Variants in LRP12 observed in about 807,000 individuals in gnomAD.
LRP12 encodes LDL receptor related protein 12, also known as low-density lipoprotein receptor-related protein 12.
Under a neutral mutation model 66.0 loss-of-function variants are expected in LRP12, and 14 were observed. The observed-to-expected ratio is 0.21, with a 90% confidence interval of 0.14 to 0.33. LRP12 has a LOEUF of 0.33. LRP12 is among the 10% of genes least tolerant of loss of function. The probability of loss-of-function intolerance (pLI) is 1.00; values close to 1 mark genes in which losing one functional copy is unlikely to be tolerated. For missense variants in LRP12, 889 were observed against 1,053.4 expected, an observed-to-expected ratio of 0.84 and a Z score of 2.16; for synonymous variants, 357 against 359.1, an observed-to-expected ratio of 0.99 and a Z score of 0.07.
At chr8:104,566,223 T>C (rs1371775253) in intron 1 of LRP12, 1 of 651,430 alleles carries the variant, frequency 1.5e-6, no homozygotes, top group Non-Finnish European at 2.4e-6. Context: ...ATAGAAAGTA[T>C]ACAGAACAGA....
In LRP12 at chr8:104,490,173, T is replaced by C. The variant is rs1227561447; in HGVS notation, c.*500A>G. ...CTGACAAGTTCATATGATAATGAAATCCAATAATAGACAAATGTCAAACAA... is the reference window on the plus strand; with the variant it reads ...CTGACAAGTTCATATGATAATGAAACCCAATAATAGACAAATGTCAAACAA... On this transcript the variant is annotated 3_prime_UTR_variant, in exon 7 of 7. Transcript: ENST00000276654. 1.3e-5 allele frequency: 2 copies of C among 152,400 alleles called. No individual in the cohort carries two copies. Among genetic ancestry groups the C allele is most frequent in the African/African-American group, 2.4e-5 (1 of 41,340 alleles). The allele number at this position is 152,400 out of a possible 1,614,324, so 9.4% of individuals were successfully genotyped here. A position where few individuals can be genotyped will look rare whatever the true frequency, so the allele number is the denominator to read the frequency against.
In LRP12 at chr8:104,537,524, A is replaced by C. The variant is rs549126366; in HGVS notation, c.80-5561T>G. The stretch of plus-strand genomic sequence containing the variant: ...CTCCAAAGTGGAGAGACCTTGATAA[A>C]CACATGGGTATTACCAGACCAGGAA... On this transcript the variant is annotated intron_variant, in intron 1 of 6. Transcript: ENST00000276654. Among the ~76,000 whole-genome samples the C allele has an allele frequency of 3.3e-5, 5 of 152,222 alleles. No individual in the cohort carries two copies. In the East Asian group the frequency reaches 9.7e-4, roughly 29 times the overall value.
chr8:104,566,835 G>A (rs1008604292), intron 1 of LRP12, among the ~76,000 whole-genome samples: 1 of 152,100 alleles, frequency 6.6e-6, no homozygotes, highest in Non-Finnish European at 1.5e-5. Flanking sequence ...ATCACTGTTT[G>A]ATGTAAATAA....
rs373964473 is a variant in LRP12 at position 104,491,187 on chromosome 8, A to G, written c.2066T>C (p.Val689Ala). ...VPPTTAVEAT[V>A]GACASSSTQS... is the part of the protein sequence containing the mutation. ...AGTTGAGGAACTTGCACATGCTCCT[A>G]CTGTCGCTTCTACTGCCGTTGTGGG... Residue 689 changes from valine (V) to alanine (A), a missense_variant, in exon 7 of 7, where the codon GTA (valine) becomes GCA (alanine). By Grantham distance (64) the Val-to-Ala change is moderately conservative. Around this residue, in one of 3 missense-constraint regions of LRP12, gnomAD observed 800 missense variants for 964.5 expected, o/e 0.83. Transcript: ENST00000276654. 36 of 1,614,020 alleles carry G rather than the reference A, an allele frequency of 2.2e-5. No individual in the cohort carries two copies. In the African/African-American group the frequency reaches 3.3e-4, roughly 15 times the overall value.
Position 104,589,063 on chromosome 8 carries a change from C to G in LRP12, c.-166G>C. 1 of 317,824 alleles carries G rather than the reference C, an allele frequency of 3.1e-6. No individual in the cohort carries two copies. 19.7% of individuals were successfully genotyped at this position (317,824 alleles called of 1,614,324 possible). A position where few individuals can be genotyped will look rare whatever the true frequency, so the allele number is the denominator to read the frequency against. On this transcript the variant is annotated 5_prime_UTR_variant, in exon 1 of 7. Coordinates refer to ENST00000276654, the MANE Select transcript of LRP12 (RefSeq NM_013437.5). ...AGGGGGAAGGGAGGGGCCGCCGCCG[C>G]CCGCGCGCGCTCCCTCCTCCCTCCT...
Position 104,489,560 on chromosome 8 carries a change from T to G in LRP12, c.*1113A>C, listed in dbSNP as rs188045261. The G allele has an allele frequency of 2.8e-4, 42 of 152,344 alleles. No homozygotes were observed. Among genetic ancestry groups the G allele is most frequent in the African/African-American group, 9.4e-4 (39 of 41,588 alleles). 9.4% of individuals were successfully genotyped at this position (152,344 alleles called of 1,614,324 possible). On this transcript the variant is annotated 3_prime_UTR_variant, in exon 7 of 7. Coordinates refer to ENST00000276654, the MANE Select transcript of LRP12 (RefSeq NM_013437.5). The stretch of plus-strand genomic sequence containing the variant: ...TCTGAATGATTTCTTAATTTTCTTT[T>G]GAGAGTGTAGCATGATCCCCCCCAG...
intron 3 of LRP12, among the ~76,000 whole-genome samples, chr8:104,503,100 T>G (rs1333135933): frequency 2.0e-5 from 3 of 152,042 alleles, no homozygotes; most frequent in Admixed American, 6.5e-5. Flanking sequence ...TGCTTTATGT[T>G]TAGTGCATTT....
In LRP12 at chr8:104,569,317, CA is replaced by C. The variant is rs1812046187; in HGVS notation, c.79+19501del. Reference sequence around the variant, plus strand: ...ATAGGTACAGAGTTTCCTTTTGGGCCAATGCAAATATTTTGGAATTAGATAG... The same window carrying C: ...ATAGGTACAGAGTTTCCTTTTGGGCCATGCAAATATTTTGGAATTAGATAG... On this transcript the variant is annotated intron_variant, in intron 1 of 6. Transcript: ENST00000276654. 2.0e-5 allele frequency among the ~76,000 whole-genome samples: 3 copies of C among 151,984 alleles called. 1 individual carries two copies. The highest frequency in any genetic ancestry group is 2.0e-4 in the Admixed American group (3 of 15,254).
chr8:104,490,894 C>T lies in LRP12; in HGVS notation c.2359G>A (p.Asp787Asn). 6.2e-7 allele frequency: 1 copy of T among 1,614,162 alleles called. No individual in the cohort carries two copies. Among genetic ancestry groups the T allele is most frequent in the African/African-American group, 1.3e-5 (1 of 75,032 alleles). The change falls in exon 7 of 7, where the codon GAT becomes AAT. Residue 787 changes from aspartate to asparagine, a missense_variant. Transcript: ENST00000276654. ...IPISDGSSDF[D>N]VNDCSRPLLD... ...AGAGGTCTGGAGCAGTCATTCACAT[C>T]AAAGTCTGAAGATCCATCAGAAATT...
chr8:104,560,662 T>G (rs537344582), intron 1 of LRP12, among the ~76,000 whole-genome samples: 13 of 152,174 alleles, frequency 8.5e-5, no homozygotes, highest in African/African-American at 2.7e-4. Flanking sequence ...AACATACATA[T>G]CTCTCAAAAT....
Position 104,550,569 on chromosome 8 carries a change from G to C in LRP12, c.80-18606C>G, listed in dbSNP as rs1177165621. The stretch of plus-strand genomic sequence containing the variant: ...TTCCTTACCTTGGTGAATGACACCA[G>C]CATCTCCCAGTTGTTCAAGTAGGAA... On this transcript the variant is annotated intron_variant, in intron 1 of 6. Coordinates refer to ENST00000276654, the MANE Select transcript of LRP12 (RefSeq NM_013437.5). Among the ~76,000 whole-genome samples, 2 of 152,238 alleles carry C rather than the reference G, an allele frequency of 1.3e-5. 1 individual carries two copies. Among genetic ancestry groups the C allele is most frequent in the East Asian group, 3.9e-4 (2 of 5,172 alleles).
chr8:104,495,791 G>C (rs1041494916), intron 5 of LRP12: 2 of 152,544 alleles, frequency 1.3e-5, no homozygotes, highest in African/African-American at 2.4e-5. Flanking sequence ...GCGTGGTGGC[G>C]GGCGCCTGTA....
At chr8:104,491,588 G>GAAAAA in intron 6 of LRP12, 49 bp from the exon 7 acceptor site, 1 of 705,852 alleles carries the variant, frequency 1.4e-6, no homozygotes, top group Non-Finnish European at 1.9e-6. Context: ...AAGGTACTAA[G>GAAAAA]ATAAAAAAAA....
chr8:104,584,398 GAAC>G (rs1413040299), intron 1 of LRP12, among the ~76,000 whole-genome samples: 1 of 151,190 alleles, frequency 6.6e-6, no homozygotes, highest in Non-Finnish European at 1.5e-5. Flanking sequence ...AAAAAAAAAG[GAAC>G]AACATCTCAT....
At chr8:104,572,093 A>G (rs1162030979) in intron 1 of LRP12, among the ~76,000 whole-genome samples, 1 of 152,276 alleles carries the variant, frequency 6.6e-6, no homozygotes, top group Non-Finnish European at 1.5e-5. Flanking sequence ...AAAACTAGTG[A>G]TTGATGCAAC....
chr8:104,572,125 T>C (rs1812088484), intron 1 of LRP12, among the ~76,000 whole-genome samples: 1 of 152,224 alleles, frequency 6.6e-6, no homozygotes, highest in South Asian at 2.1e-4. Context: ...ATCTCCAAGA[T>C]ATTATGCTGA....
intron 3 of LRP12, chr8:104,505,703 T>G (rs2140840084): frequency 6.6e-6 from 1 of 152,152 alleles, no homozygotes; most frequent in Non-Finnish European, 1.5e-5. Context: ...ACATCTAGCT[T>G]CCTGTCTTTT....
rs1157138993 is a variant in LRP12 at position 104,499,455 on chromosome 8, A to G, written c.337T>C (p.Tyr113His). Residue 113 changes from tyrosine (Y) to histidine (H), a missense_variant, in exon 4 of 7, where the codon TAC becomes CAC. Coordinates refer to ENST00000276654, the MANE Select transcript of LRP12 (RefSeq NM_013437.5). ...GCTCTGTAACTTTCAATATTCTTGT[A>G]TGTTTCTATTGTCAACCAGTCCAAA... ...CNLDWLTIET[Y>H]KNIESYRACG... 2 of 1,613,674 alleles carry G rather than the reference A, an allele frequency of 1.2e-6. No individual in the cohort carries two copies. The highest frequency in any genetic ancestry group is 1.7e-6 in the Non-Finnish European group (2 of 1,179,748).
At chr8:104,509,858 A>G (rs1810966552) in intron 2 of LRP12, among the ~76,000 whole-genome samples, 1 of 152,238 alleles carries the variant, frequency 6.6e-6, no homozygotes. Flanking sequence ...TGCTTAGTTA[A>G]GATGGAAAAG....
Sources: allele counts gnomAD v4.1 joint callset (sites outside exome capture counted in the v4.1 genomes callset), GRCh38; gene constraint gnomAD v4.1.1; regional missense constraint gnomAD v4.1.1; transcripts MANE v1.5; gene names NCBI Gene and HGNC (gene_info 2026-07-23, HGNC 2026-07-21).